Variants in MDGA2 observed in about 807,000 individuals in gnomAD.
MDGA2 encodes the protein MAM domain containing glycosylphosphatidylinositol anchor 2.
MDGA2 carries 40 observed loss-of-function variants against 117.8 expected under a neutral mutation model. The observed-to-expected ratio is 0.34, with a 90% CI of 0.26 to 0.44. MDGA2 has a LOEUF of 0.44. MDGA2 is among the 20% of genes least tolerant of loss of function. The pLI is 1.00. For synonymous variants in MDGA2, 452 were observed against 439.0 expected, an observed-to-expected ratio of 1.03 and a Z score of -0.37; for missense variants, 1,123 against 1,250.6, an observed-to-expected ratio of 0.90 and a Z score of 1.54.
At chr14:47,201,344 T>G (rs1885499626) in intron 3 of MDGA2, among the ~76,000 whole-genome samples, 1 of 152,114 alleles carries the variant, frequency 6.6e-6, no homozygotes, top group South Asian at 2.1e-4. Flanking sequence ...TCGGCAACAC[T>G]CTCACAAAAG....
chr14:47,344,307 C>A (rs1296431883), intron 1 of MDGA2, among the ~76,000 whole-genome samples: 1 of 152,132 alleles, frequency 6.6e-6, no homozygotes, highest in Non-Finnish European at 1.5e-5. Flanking sequence ...GTGGGGCCTA[C>A]TGACATTCCT....
chr14:47,037,979 G>C, intron 7 of MDGA2, among the ~76,000 whole-genome samples: 1 of 152,154 alleles, frequency 6.6e-6, no homozygotes, highest in East Asian at 1.9e-4. Flanking sequence ...GCCCAGGCTG[G>C]GGTGCAGTGG....
At chr14:47,210,266 A>C (rs1033550132) in intron 3 of MDGA2, among the ~76,000 whole-genome samples, 1 of 152,186 alleles carries the variant, frequency 6.6e-6, no homozygotes. Flanking sequence ...CTTCAGAAAT[A>C]AGAATGCTTA....
intron 1 of MDGA2, among the ~76,000 whole-genome samples, chr14:47,436,294 A>G (rs931413906): frequency 2.6e-5 from 4 of 152,140 alleles, no homozygotes; most frequent in African/African-American, 9.7e-5. Context: ...AGTGTATTCT[A>G]GTGTAGCAAG....
chr14:47,242,749 G>T (rs1354546970), intron 2 of MDGA2, among the ~76,000 whole-genome samples: 2 of 151,788 alleles, frequency 1.3e-5, no homozygotes, highest in Non-Finnish European at 3.0e-5. Flanking sequence ...CCCCTGTGCG[G>T]CCCGAGCCTC....
chr14:47,588,949 C>A (rs952655394), intron 1 of MDGA2, among the ~76,000 whole-genome samples: 8 of 151,860 alleles, frequency 5.3e-5, no homozygotes, highest in African/African-American at 1.9e-4. Context: ...TGGCTTTTGG[C>A]CCTGCATCAT....
At chr14:46,949,110 A>G (rs1165293050) in intron 9 of MDGA2, among the ~76,000 whole-genome samples, 2 of 152,104 alleles carry the variant, frequency 1.3e-5, no homozygotes, top group Non-Finnish European at 2.9e-5. Context: ...AGCCATGGGA[A>G]GCAGATTTAT....
intron 5 of MDGA2, among the ~76,000 whole-genome samples, chr14:47,126,873 T>C (rs1029750669): frequency 6.6e-6 from 1 of 152,132 alleles, no homozygotes; most frequent in Non-Finnish European, 1.5e-5. Flanking sequence ...ACTTCTAGTA[T>C]ACATTGTTTC....
intron 11 of MDGA2, among the ~76,000 whole-genome samples, chr14:46,879,530 CTT>C (rs146402685): frequency 0.035 from 5,396 of 152,102 alleles, 324 homozygotes; most frequent in African/African-American, 0.12. Flanking sequence ...ATTTTGAAAA[CTT>C]ATTATTAAAA....
At chr14:47,111,178 C>T (rs1881017576) in intron 5 of MDGA2, among the ~76,000 whole-genome samples, 1 of 151,998 alleles carries the variant, frequency 6.6e-6, no homozygotes, top group Non-Finnish European at 1.5e-5. Flanking sequence ...TTATTTTTTA[C>T]CAAACTGAGA....
intron 7 of MDGA2, among the ~76,000 whole-genome samples, chr14:47,058,123 A>G (rs1211633789): frequency 6.6e-6 from 1 of 152,160 alleles, no homozygotes; most frequent in Admixed American, 6.6e-5. Flanking sequence ...TACTTAAAAA[A>G]TATCATTATA....
Position 47,573,291 on chromosome 14 carries a change from G to A in MDGA2, c.280+101226C>T, listed in dbSNP as rs538029164. On this transcript the variant is annotated intron_variant, in intron 1 of 16. Coordinates refer to ENST00000399232, the MANE Select transcript of MDGA2 (RefSeq NM_001113498.3). ...TCTTTTGGGGAGTGTTTTCCAAGCA[G>A]TTGAGTATGAACTGTTGGTTAGAGA... 1.3e-4 allele frequency among the ~76,000 whole-genome samples: 20 copies of A among 152,288 alleles called. No individual in the cohort carries two copies. The East Asian group carries it at 2.1e-3, about 16-fold the overall frequency.
intron 1 of MDGA2, among the ~76,000 whole-genome samples, chr14:47,452,185 C>G (rs1397466776): frequency 6.6e-6 from 1 of 152,008 alleles, no homozygotes; most frequent in East Asian, 1.9e-4. Context: ...TGCCCTCCCC[C>G]ACCACACAAA....
chr14:47,186,658 G>A (rs1884923137), intron 3 of MDGA2, among the ~76,000 whole-genome samples: 1 of 151,912 alleles, frequency 6.6e-6, no homozygotes, highest in Non-Finnish European at 1.5e-5. Context: ...TAATTGAGCT[G>A]ATTTTCAAAT....
chr14:47,364,958 C>A (rs1891200233), intron 1 of MDGA2, among the ~76,000 whole-genome samples: 1 of 151,992 alleles, frequency 6.6e-6, no homozygotes, highest in African/African-American at 2.4e-5. Context: ...TTTGAATTAC[C>A]CAATATAACA....
intron 1 of MDGA2, among the ~76,000 whole-genome samples, chr14:47,391,227 C>A (rs2138438213): frequency 6.6e-6 from 1 of 152,272 alleles, no homozygotes; most frequent in East Asian, 1.9e-4. Flanking sequence ...TTTCATGCTG[C>A]CCTAGCAACT....
At chr14:47,424,483 T>A (rs1164485255) in intron 1 of MDGA2, among the ~76,000 whole-genome samples, 1 of 152,126 alleles carries the variant, frequency 6.6e-6, no homozygotes, top group Non-Finnish European at 1.5e-5. Context: ...GCACTCTTTG[T>A]AATACTCCAC....
At chr14:47,511,486 G>T (rs1264416013) in intron 1 of MDGA2, among the ~76,000 whole-genome samples, 2 of 152,078 alleles carry the variant, frequency 1.3e-5, no homozygotes, top group African/African-American at 4.8e-5. Context: ...ACATGGAAGA[G>T]ATTGTTTTGT....
intron 5 of MDGA2, among the ~76,000 whole-genome samples, chr14:47,125,224 A>T (rs1372424007): frequency 6.6e-6 from 1 of 152,168 alleles, no homozygotes; most frequent in Non-Finnish European, 1.5e-5. Flanking sequence ...TCTTGCACTT[A>T]CACTGGCTGT....
Sources: allele counts gnomAD v4.1 joint callset (sites outside exome capture counted in the v4.1 genomes callset), GRCh38; gene constraint gnomAD v4.1.1; transcripts MANE v1.5; gene names NCBI Gene and HGNC (gene_info 2026-07-23, HGNC 2026-07-21).